Variants in SLIT2 observed in about 807,000 individuals in gnomAD.
SLIT2 encodes slit guidance ligand 2, also known as slit homolog 2 protein.
Under a neutral mutation model 185.7 loss-of-function variants are expected in SLIT2, and 41 were observed. The observed-to-expected ratio is 0.22, with a 90% confidence interval of 0.17 to 0.29. SLIT2 has a LOEUF of 0.29. SLIT2 is among the 10% of genes least tolerant of loss of function. The probability of loss-of-function intolerance (pLI) is 1.00; values close to 1 mark genes in which losing one functional copy is unlikely to be tolerated. For synonymous variants in SLIT2, 693 were observed against 680.2 expected (o/e 1.02, Z -0.29); for missense variants, 1,571 against 1,909.0 (o/e 0.82, Z 3.30).
At chr4:20,405,841 T>C (rs947323943) in intron 4 of SLIT2, among the ~76,000 whole-genome samples, 7 of 152,074 alleles carry the variant, frequency 4.6e-5, no homozygotes, top group African/African-American at 1.7e-4. Context: ...ATAAGATGAC[T>C]CGAATACATA....
chr4:20,330,528 A>G (rs1047363371), intron 4 of SLIT2, among the ~76,000 whole-genome samples: 2 of 152,104 alleles, frequency 1.3e-5, no homozygotes, highest in East Asian at 1.9e-4. Flanking sequence ...CTTATGATTC[A>G]TAGCATGTTT....
At chr4:20,521,940 C>G (rs889048552) in intron 12 of SLIT2, among the ~76,000 whole-genome samples, 15 of 152,078 alleles carry the variant, frequency 9.9e-5, no homozygotes, top group Admixed American at 6.5e-4. Context: ...TGAGCTGTTA[C>G]AAATTTGTTA....
At chr4:20,334,520 G>A (rs1228822804) in intron 4 of SLIT2, among the ~76,000 whole-genome samples, 2 of 152,074 alleles carry the variant, frequency 1.3e-5, no homozygotes, top group African/African-American at 4.8e-5. Context: ...CCTTAACTGG[G>A]TGGTTCCTTT....
At chr4:20,612,435 T>C (rs1729295937) in intron 34 of SLIT2, among the ~76,000 whole-genome samples, 1 of 152,020 alleles carries the variant, frequency 6.6e-6, no homozygotes, top group Non-Finnish European at 1.5e-5. Flanking sequence ...AGGAAACCAC[T>C]TTCATCCCAG....
intron 4 of SLIT2, among the ~76,000 whole-genome samples, chr4:20,340,710 C>G (rs1418334319): frequency 6.6e-6 from 1 of 152,156 alleles, no homozygotes; most frequent in Non-Finnish European, 1.5e-5. Flanking sequence ...ATGCCATTCT[C>G]CTGCCTCAGC....
At chr4:20,301,192 AAAATTTT>A (rs1454292477) in intron 4 of SLIT2, among the ~76,000 whole-genome samples, 1 of 152,140 alleles carries the variant, frequency 6.6e-6, no homozygotes, top group African/African-American at 2.4e-5. Context: ...TAAAAATTAG[AAAATTTT>A]AAATTTTAAA....
chr4:20,388,833 T>C (rs1465904799), intron 4 of SLIT2, among the ~76,000 whole-genome samples: 1 of 144,586 alleles, frequency 6.9e-6, no homozygotes, highest in Non-Finnish European at 1.5e-5. Context: ...ATATAATATA[T>C]AATATATATA....
At chr4:20,567,424 A>C (rs199864616) in intron 27 of SLIT2, 38 bp downstream of exon 27, 1 of 1,612,774 alleles carries the variant, frequency 6.2e-7, no homozygotes. Context: ...GTTTGAGAGC[A>C]TAACTTTTCT....
intron 29 of SLIT2, among the ~76,000 whole-genome samples, chr4:20,570,393 T>A (rs1160835007): frequency 6.6e-6 from 1 of 151,984 alleles, no homozygotes; most frequent in Non-Finnish European, 1.5e-5. Flanking sequence ...AGCTTTGATT[T>A]TCACACTAAT....
chr4:20,508,192 A>G (rs1719375746), intron 9 of SLIT2, among the ~76,000 whole-genome samples: 1 of 152,004 alleles, frequency 6.6e-6, no homozygotes, highest in African/African-American at 2.4e-5. Context: ...GGAGCCAAAA[A>G]CCCAGTTAGC....
At position 20,541,793 on chromosome 4, in the gene SLIT2, C is replaced by G. The variant is rs146524541; in HGVS notation, c.2143+174C>G. On this transcript the variant is annotated intron_variant, in intron 20 of 36. Coordinates refer to ENST00000504154, the MANE Select transcript of SLIT2 (RefSeq NM_004787.4). ...ACACTTACTTTCTTAGACTTGCCTT[C>G]CACATTTGAGTCTACTTGATGTGCA... 6.3e-3 allele frequency among the ~76,000 whole-genome samples: 959 copies of G among 152,252 alleles called. 12 individuals are homozygous for G. The highest frequency in any genetic ancestry group is 0.021 in the African/African-American group (886 of 41,558).
chr4:20,272,568 A>C (rs1187667946), intron 4 of SLIT2, among the ~76,000 whole-genome samples: 1 of 152,114 alleles, frequency 6.6e-6, no homozygotes, highest in Non-Finnish European at 1.5e-5. Context: ...TGCGACTACT[A>C]ATCTGGACTC....
chr4:20,510,012 T>C (rs1560486605), intron 9 of SLIT2, among the ~76,000 whole-genome samples: 1 of 152,192 alleles, frequency 6.6e-6, no homozygotes, highest in Non-Finnish European at 1.5e-5. Context: ...ATTTTGTGAG[T>C]ATAAAATTAT....
intron 4 of SLIT2, among the ~76,000 whole-genome samples, chr4:20,408,870 G>T (rs1726977507): frequency 6.6e-6 from 1 of 152,080 alleles, no homozygotes; most frequent in Non-Finnish European, 1.5e-5. Context: ...CAGACACTTT[G>T]TCCTAGACAA....
intron 4 of SLIT2, among the ~76,000 whole-genome samples, chr4:20,333,323 A>G (rs1720225559): frequency 6.6e-6 from 1 of 152,182 alleles, no homozygotes; most frequent in African/African-American, 2.4e-5. Context: ...TTAAACAATC[A>G]GTTTCTTTGG....
In SLIT2 at chr4:20,399,535, G is replaced by C. The variant is rs553099262; in HGVS notation, c.396-68217G>C. On this transcript the variant is annotated intron_variant, in intron 4 of 36. Transcript: ENST00000504154. ...AGTGATCGGAATAATAATTGAATAT[G>C]CATTACTTGAATCTAATCTCTCCCC... Among the ~76,000 whole-genome samples, 151 of 151,802 alleles carry C rather than the reference G, an allele frequency of 9.9e-4. 3 individuals are homozygous for C. The highest frequency in any genetic ancestry group is 3.5e-3 in the African/African-American group (146 of 41,486).
chr4:20,312,625 T>A (rs997453393), intron 4 of SLIT2, among the ~76,000 whole-genome samples: 5 of 151,322 alleles, frequency 3.3e-5, no homozygotes, highest in African/African-American at 1.2e-4. Context: ...TACAAAAAAA[T>A]TAGCGGGTTT....
chr4:20,455,603 G>C (rs1404371363), intron 4 of SLIT2, among the ~76,000 whole-genome samples: 1 of 151,998 alleles, frequency 6.6e-6, no homozygotes, highest in African/African-American at 2.4e-5. Context: ...ATTATTGAGC[G>C]ATAAAAATAA....
chr4:20,546,824 C>G (rs1396536419), intron 22 of SLIT2, among the ~76,000 whole-genome samples: 1 of 151,838 alleles, frequency 6.6e-6, no homozygotes, highest in Non-Finnish European at 1.5e-5. Context: ...TAATACTATA[C>G]TTTTAAAGTA....
Sources: allele counts gnomAD v4.1 joint callset (sites outside exome capture counted in the v4.1 genomes callset), GRCh38; gene constraint gnomAD v4.1.1; transcripts MANE v1.5; gene names NCBI Gene and HGNC (gene_info 2026-07-23, HGNC 2026-07-21).